Variants in GABRA1 observed in about 807,000 individuals in gnomAD.
The protein encoded by GABRA1 is gamma-aminobutyric acid type A receptor subunit alpha1.
A neutral mutation model predicts 48.9 loss-of-function variants in GABRA1; 9 were observed. The ratio of observed to expected loss-of-function variants is 0.18; its 90% CI spans 0.11 to 0.32. The LOEUF (loss-of-function observed/expected upper bound fraction) is 0.32, where lower values mean the gene tolerates loss of function less well. Ranked by LOEUF, GABRA1 falls within the 10% of genes least tolerant of loss-of-function variation. The probability of loss-of-function intolerance (pLI) is 1.00; values close to 1 mark genes in which losing one functional copy is unlikely to be tolerated. For synonymous variants in GABRA1, 210 were observed against 198.7 expected (o/e 1.06, Z -0.48); for missense variants, 285 against 553.8 (o/e 0.51, Z 4.87).
At chr5:161,870,844 T>C (rs964918189) in intron 4 of GABRA1, among the ~76,000 whole-genome samples, 2 of 152,108 alleles carry the variant, frequency 1.3e-5, no homozygotes, top group African/African-American at 4.8e-5. Context: ...ACACTGTTGG[T>C]TAGGCAGAAA....
chr5:161,871,007 T>C (rs968431416), intron 4 of GABRA1, among the ~76,000 whole-genome samples: 2 of 150,596 alleles, frequency 1.3e-5, no homozygotes, highest in Admixed American at 1.3e-4. Flanking sequence ...ACTGGTACAG[T>C]ATTTGAAGGA....
At chr5:161,888,871 A>G (rs1754964219) in intron 7 of GABRA1, among the ~76,000 whole-genome samples, 1 of 152,010 alleles carries the variant, frequency 6.6e-6, no homozygotes, top group African/African-American at 2.4e-5. Flanking sequence ...ATTCTTATGA[A>G]TTTTGTTTTG....
intron 7 of GABRA1, among the ~76,000 whole-genome samples, chr5:161,883,822 T>C (rs999556160): frequency 6.6e-6 from 1 of 152,160 alleles, no homozygotes; most frequent in Non-Finnish European, 1.5e-5. Flanking sequence ...AGGATCTGTC[T>C]CTTGCTTGCT....
At position 161,848,158 on chromosome 5, in the gene GABRA1, T is replaced by C. The variant is rs1757279618; in HGVS notation, c.-280T>C. ...GGTTTGCCCTGGGACGTATTACTACTGTCTTGGTAAAGAGAAATCTTTTGT... is the reference window on the plus strand; with the variant it reads ...GGTTTGCCCTGGGACGTATTACTACCGTCTTGGTAAAGAGAAATCTTTTGT... On this transcript the variant is annotated 5_prime_UTR_variant, in exon 1 of 10. Coordinates refer to ENST00000393943, the MANE Select transcript of GABRA1 (RefSeq NM_001127644.2). 6.6e-6 allele frequency: 1 copy of C among 152,186 alleles called. No individual in the cohort carries two copies. The highest frequency in any genetic ancestry group is 6.5e-5 in the Admixed American group (1 of 15,274). The allele number at this position is 152,186 out of a possible 1,614,324, so 9.4% of individuals were successfully genotyped here.
At chr5:161,874,946 G>C (rs1368381094) in intron 5 of GABRA1, among the ~76,000 whole-genome samples, 1 of 152,108 alleles carries the variant, frequency 6.6e-6, no homozygotes, top group South Asian at 2.1e-4. Context: ...GGACTAGAGA[G>C]AAGCACAGCA....
chr5:161,871,174 G>A (rs1754104885), intron 4 of GABRA1, among the ~76,000 whole-genome samples: 2 of 151,920 alleles, frequency 1.3e-5, no homozygotes, highest in South Asian at 4.1e-4. Flanking sequence ...TCAAAGATTT[G>A]GTAATACATC....
chr5:161,871,482 C>T (rs529307997), intron 4 of GABRA1, among the ~76,000 whole-genome samples: 1 of 152,168 alleles, frequency 6.6e-6, no homozygotes, highest in Non-Finnish European at 1.5e-5. Flanking sequence ...CCTGCACATC[C>T]TGAGGTAGAT....
At chr5:161,891,416 A>G (rs1302144539) in intron 8 of GABRA1, among the ~76,000 whole-genome samples, 3 of 152,186 alleles carry the variant, frequency 2.0e-5, no homozygotes, top group Non-Finnish European at 4.4e-5. Context: ...AGAAGCTTAG[A>G]AAATATCAGC....
intron 6 of GABRA1, among the ~76,000 whole-genome samples, chr5:161,878,683 C>CT (rs1267221150): frequency 1.3e-5 from 2 of 152,082 alleles, no homozygotes; most frequent in African/African-American, 4.8e-5. Flanking sequence ...ATAAAGTCAG[C>CT]TAACCCGAGG....
chr5:161,899,172 G>A lies in GABRA1; in HGVS notation c.*1750G>A, dbSNP rs1449645412. On this transcript the variant is annotated 3_prime_UTR_variant, in exon 10 of 10. Transcript: ENST00000393943. ...AGCATTATTGCCAAATAAGACAGTT[G>A]GGATCCAAACCCAAGTCTTGAGCAA... is the stretch of plus-strand genomic sequence containing the variant. 6.6e-6 allele frequency: 1 copy of A among 152,434 alleles called. No homozygotes were observed. The highest frequency in any genetic ancestry group is 1.5e-5 in the Non-Finnish European group (1 of 67,944). The allele number at this position is 152,434 out of a possible 1,614,324, so 9.4% of individuals were successfully genotyped here. A position where few individuals can be genotyped will look rare whatever the true frequency, so the allele number is the denominator to read the frequency against.
chr5:161,849,059 G>C, intron 1 of GABRA1: 1 of 440,886 alleles, frequency 2.3e-6, no homozygotes, highest in Non-Finnish European at 4.5e-6. Flanking sequence ...CGTGTGTCTG[G>C]GGGAGGGGGA....
chr5:161,870,760 G>C (rs1425403963), intron 4 of GABRA1, among the ~76,000 whole-genome samples: 2 of 152,186 alleles, frequency 1.3e-5, no homozygotes, highest in Non-Finnish European at 2.9e-5. Flanking sequence ...TATAGGACTA[G>C]CTTCTGGGAA....
chr5:161,860,461 G>A (rs955458293), intron 3 of GABRA1, among the ~76,000 whole-genome samples: 2 of 151,304 alleles, frequency 1.3e-5, no homozygotes, highest in Non-Finnish European at 1.5e-5. Flanking sequence ...GAGAGTAGAA[G>A]GATGGTTATC....
At chr5:161,891,140 AT>A (rs1467086563) in intron 8 of GABRA1, 90 bp downstream of exon 8, 90 of 1,170,246 alleles carry the variant, frequency 7.7e-5, no homozygotes, top group Middle Eastern at 3.8e-4. Flanking sequence ...ATAAAAAAAA[AT>A]ATACACTCAA....
intron 2 of GABRA1, among the ~76,000 whole-genome samples, chr5:161,852,438 C>G (rs1280962740): frequency 6.6e-6 from 1 of 151,978 alleles, no homozygotes; most frequent in Non-Finnish European, 1.5e-5. Context: ...ATCAGGGCCT[C>G]CTCACAACTT....
intron 8 of GABRA1, among the ~76,000 whole-genome samples, chr5:161,893,048 T>TAATAATAATAAAAA (rs5872733): frequency 9.6e-4 from 137 of 142,004 alleles, no homozygotes; most frequent in Middle Eastern, 3.6e-3. Context: ...ATAATAATAA[T>TAATAATAATAAAAA]AAAATAAACA....
chr5:161,848,620 C>T (rs1464889634), intron 1 of GABRA1, 198 bp downstream of exon 1: 1 of 190,920 alleles, frequency 5.2e-6, no homozygotes, highest in Non-Finnish European at 1.1e-5. Flanking sequence ...CAGGTAGAAA[C>T]AACGAAATGT....
intron 7 of GABRA1, among the ~76,000 whole-genome samples, chr5:161,889,109 A>G (rs751248141): frequency 2.0e-5 from 3 of 152,082 alleles, no homozygotes; most frequent in Non-Finnish European, 2.9e-5. Flanking sequence ...TGTTTAGTAA[A>G]GGGCAGGTGC....
rs565496904 is a variant in GABRA1, at chr5:161,867,168, CAT to C, written c.255+1381_255+1382del. ...TCTGTAGACCACTTTATTGAAATAA[CAT>C]GTGATACAATGTGTTTTACTAAATT... is the stretch of plus-strand genomic sequence containing the variant. On this transcript the variant is annotated intron_variant, in intron 4 of 9. Coordinates refer to ENST00000393943, the MANE Select transcript of GABRA1 (RefSeq NM_001127644.2). Among the ~76,000 whole-genome samples the C allele has an allele frequency of 1.1e-3, 171 of 152,254 alleles. 1 individual carries two copies. The highest frequency in any genetic ancestry group is 3.8e-3 in the African/African-American group (158 of 41,564).
Sources: allele counts gnomAD v4.1 joint callset (sites outside exome capture counted in the v4.1 genomes callset), GRCh38; gene constraint gnomAD v4.1.1; transcripts MANE v1.5; gene names NCBI Gene and HGNC (gene_info 2026-07-23, HGNC 2026-07-21).